The following TPST1 variants were observed in gnomAD, a reference collection of about 807,000 sequenced individuals.
TPST1 encodes tyrosylprotein sulfotransferase 1.
Under a neutral mutation model 34.8 loss-of-function variants are expected in TPST1, and 20 were observed. That is an observed-to-expected ratio of 0.57 (90% confidence interval 0.40 to 0.84). TPST1 has a LOEUF of 0.84. Among genes scored for constraint, TPST1 ranks in the 40% least tolerant of loss-of-function variants. The pLI is 0.00. For missense variants in TPST1, 353 were observed against 455.5 expected (o/e 0.78, Z 2.05); for synonymous variants, 152 against 159.4 (o/e 0.95, Z 0.35).
At chr7:66,311,576 T>A (rs566940881) in intron 3 of TPST1, among the ~76,000 whole-genome samples, 87 of 152,322 alleles carry the variant, frequency 5.7e-4, no homozygotes, top group Admixed American at 1.2e-3. Context: ...ACTTTAAGGC[T>A]TCGATTATTA....
chr7:66,216,019 C>T (rs1789401934), intron 1 of TPST1, among the ~76,000 whole-genome samples: 1 of 152,046 alleles, frequency 6.6e-6, no homozygotes, highest in Non-Finnish European at 1.5e-5. Flanking sequence ...GATCCGCCCG[C>T]CTTGGCCTCC....
At chr7:66,239,936 C>T (rs2116400709) in intron 1 of TPST1, among the ~76,000 whole-genome samples, 1 of 152,158 alleles carries the variant, frequency 6.6e-6, no homozygotes, top group South Asian at 2.1e-4. Flanking sequence ...GGCTGGAGTG[C>T]AGTGGCATGA....
intron 3 of TPST1, among the ~76,000 whole-genome samples, chr7:66,308,749 G>A (rs574357787): frequency 3.3e-5 from 5 of 152,142 alleles, no homozygotes; most frequent in Non-Finnish European, 5.9e-5. Context: ...GCTTTTTAGG[G>A]ATGTTGTTGC....
chr7:66,245,174 A>G (rs1332592858), intron 2 of TPST1, among the ~76,000 whole-genome samples: 1 of 152,174 alleles, frequency 6.6e-6, no homozygotes, highest in East Asian at 1.9e-4. Context: ...TAAAGAAAAA[A>G]TTATTCAGTG....
chr7:66,252,963 A>G (rs1440673067), intron 2 of TPST1, among the ~76,000 whole-genome samples: 1 of 152,180 alleles, frequency 6.6e-6, no homozygotes, highest in Non-Finnish European at 1.5e-5. Context: ...GGAACCATCT[A>G]TGGAAATACA....
intron 5 of TPST1, chr7:66,359,569 A>G (rs1792651567): frequency 3.7e-6 from 1 of 271,096 alleles, no homozygotes; most frequent in South Asian, 4.0e-5. Context: ...TGCCCCTGAC[A>G]GTGCCCCCAC....
intron 3 of TPST1, among the ~76,000 whole-genome samples, chr7:66,315,320 T>C (rs115546568): frequency 6.6e-6 from 1 of 152,308 alleles, no homozygotes; most frequent in African/African-American, 2.4e-5. Flanking sequence ...CTGGAATTCA[T>C]AGAGGAGGAA....
At chr7:66,299,344 T>A (rs1395411233) in intron 3 of TPST1, among the ~76,000 whole-genome samples, 4 of 151,696 alleles carry the variant, frequency 2.6e-5, no homozygotes, top group Non-Finnish European at 2.9e-5. Flanking sequence ...GTTTTTTTTT[T>A]AATTTGAGAA....
chr7:66,324,638 C>G (rs1409512870), intron 3 of TPST1, among the ~76,000 whole-genome samples: 1 of 151,642 alleles, frequency 6.6e-6, no homozygotes, highest in East Asian at 1.9e-4. Flanking sequence ...GAAACTTTGT[C>G]TCTACTAAAA....
At chr7:66,241,437 T>G (rs1790034206) in intron 2 of TPST1, among the ~76,000 whole-genome samples, 167 bp downstream of exon 2, 1 of 152,238 alleles carries the variant, frequency 6.6e-6, no homozygotes, top group Non-Finnish European at 1.5e-5. Flanking sequence ...GAGGTTTCTT[T>G]TTTTATTAAT....
chr7:66,359,546 C>G (rs1244840414), intron 5 of TPST1: 2 of 262,506 alleles, frequency 7.6e-6, no homozygotes, highest in Non-Finnish European at 1.5e-5. Flanking sequence ...GGTGCTGACC[C>G]CTGGACATCT....
Position 66,286,620 on chromosome 7 carries a change from C to G in TPST1, c.955C>G (p.Pro319Ala). The G allele has an allele frequency of 6.2e-7, 1 of 1,609,586 alleles. No individual in the cohort carries two copies. Among genetic ancestry groups the G allele is most frequent in the Non-Finnish European group, 8.5e-7 (1 of 1,177,336 alleles). Residue 319 changes from proline to alanine, a missense_variant, in exon 3 of 6, where the codon CCT becomes GCT. Coordinates refer to ENST00000304842, the MANE Select transcript of TPST1 (RefSeq NM_003596.4). The part of the protein sequence containing the change: ...DVLQDMAVIA[P>A]MLAKLGYDPY... ...TTTACAAGACATGGCAGTGATTGCT[C>G]CTATGCTTGCCAAGCTTGGATATGA...
chr7:66,227,982 T>C (rs1789700086), intron 1 of TPST1, among the ~76,000 whole-genome samples: 1 of 152,204 alleles, frequency 6.6e-6, no homozygotes, highest in African/African-American at 2.4e-5. Context: ...TAAATGCTGG[T>C]AAATCCTTTC....
intron 4 of TPST1, chr7:66,352,774 GTCT>G: frequency 2.0e-6 from 2 of 985,420 alleles, no homozygotes. Context: ...AGAGCTCAGT[GTCT>G]CCCAAAACCA....
At chr7:66,359,547 C>G (rs954580677) in intron 5 of TPST1, 10 of 263,282 alleles carry the variant, frequency 3.8e-5, no homozygotes, top group African/African-American at 2.0e-4. Context: ...GTGCTGACCC[C>G]TGGACATCTG....
chr7:66,200,836 C>T (rs1454364634), upstream of TPST1, among the ~76,000 whole-genome samples: 1 of 152,148 alleles, frequency 6.6e-6, no homozygotes, highest in Non-Finnish European at 1.5e-5. Context: ...AAGCGATTCT[C>T]CTGCCTCAGC....
intron 1 of TPST1, among the ~76,000 whole-genome samples, chr7:66,231,866 A>G (rs6952473): frequency 0.66 from 101,003 of 152,224 alleles, 33,935 homozygotes; most frequent in African/African-American, 0.76. Flanking sequence ...CAGAGCGAGC[A>G]AGGGCTGTGA....
intron 2 of TPST1, among the ~76,000 whole-genome samples, chr7:66,270,664 A>T (rs1790687428): frequency 6.6e-6 from 1 of 152,220 alleles, no homozygotes; most frequent in South Asian, 2.1e-4. Context: ...GTTATTCACA[A>T]TCTGAATTTT....
chr7:66,235,014 C>T (rs1584159146), intron 1 of TPST1, among the ~76,000 whole-genome samples: 1 of 151,986 alleles, frequency 6.6e-6, no homozygotes, highest in East Asian at 1.9e-4. Flanking sequence ...GTTTTACTTT[C>T]TTTAACCAAA....
Sources: gnomAD v4.1 joint callset for allele counts (sites outside exome capture counted in the v4.1 genomes callset) on GRCh38, gnomAD v4.1.1 for gene constraint, MANE v1.5 for transcripts, NCBI Gene and HGNC (gene_info 2026-07-23, HGNC 2026-07-21) for gene names.